Variants in CALD1 observed in about 807,000 individuals in gnomAD.
CALD1 encodes the protein caldesmon 1.
In CALD1, 33 loss-of-function variants were observed where a neutral mutation model predicts 99.9. The ratio of observed to expected loss-of-function variants is 0.33; its 90% CI spans 0.25 to 0.44. The LOEUF (loss-of-function observed/expected upper bound fraction) is 0.44, where lower values mean the gene tolerates loss of function less well. Ranked by LOEUF, CALD1 falls within the 20% of genes least tolerant of loss-of-function variation. The pLI is 1.00. For synonymous variants in CALD1, 310 were observed against 325.0 expected (o/e 0.95, Z 0.50); for missense variants, 861 against 962.1 (o/e 0.89, Z 1.39).
At chr7:134,830,563 A>C (rs1799179389) in intron 1 of CALD1, among the ~76,000 whole-genome samples, 1 of 151,132 alleles carries the variant, frequency 6.6e-6, no homozygotes, top group South Asian at 2.1e-4. Flanking sequence ...CTCCCCTCCC[A>C]CCCTCAACCC....
At chr7:134,850,726 A>G (rs1289704691) in intron 2 of CALD1, among the ~76,000 whole-genome samples, 2 of 152,138 alleles carry the variant, frequency 1.3e-5, no homozygotes, top group African/African-American at 4.8e-5. Flanking sequence ...TGCCCTGCAA[A>G]TGTGCTTCCC....
chr7:134,823,092 A>G (rs929240563), intron 1 of CALD1, among the ~76,000 whole-genome samples: 2 of 152,306 alleles, frequency 1.3e-5, no homozygotes, highest in Admixed American at 1.3e-4. Flanking sequence ...AAATTGCTGG[A>G]AGCTTGGGGA....
At chr7:134,924,047 T>G (rs1036978181) in intron 3 of CALD1, among the ~76,000 whole-genome samples, 3 of 152,244 alleles carry the variant, frequency 2.0e-5, no homozygotes, top group Admixed American at 2.0e-4. Context: ...TGTATGTGTA[T>G]ACCTAAGTGG....
chr7:134,770,207 C>T (rs1436115600), intron 1 of CALD1, among the ~76,000 whole-genome samples: 1 of 152,166 alleles, frequency 6.6e-6, no homozygotes, highest in Non-Finnish European at 1.5e-5. Context: ...GAAATAGTAG[C>T]TCTGCTGGTG....
chr7:134,966,008 G>A (rs1440637594), intron 14 of CALD1, among the ~76,000 whole-genome samples: 1 of 152,048 alleles, frequency 6.6e-6, no homozygotes, highest in Non-Finnish European at 1.5e-5. Context: ...ACTGCAAATG[G>A]GACCCTTTGT....
At chr7:134,788,841 A>C (rs3778841) in intron 1 of CALD1, among the ~76,000 whole-genome samples, 47,450 of 151,684 alleles carry the variant, frequency 0.31, 7,910 homozygotes, top group East Asian at 0.63. Flanking sequence ...ATGGTGAAAC[A>C]CTGCCTCTAC....
intron 2 of CALD1, among the ~76,000 whole-genome samples, chr7:134,864,818 A>T (rs1004126789): frequency 6.6e-6 from 1 of 152,200 alleles, no homozygotes; most frequent in Non-Finnish European, 1.5e-5. Flanking sequence ...ATAGGTAATG[A>T]CATCTGCCTC....
chr7:134,887,605 T>G (rs1801918885), intron 3 of CALD1, among the ~76,000 whole-genome samples: 1 of 151,732 alleles, frequency 6.6e-6, no homozygotes, highest in Non-Finnish European at 1.5e-5. Flanking sequence ...TGCGTATGCA[T>G]GCATGCGTGT....
intron 11 of CALD1, among the ~76,000 whole-genome samples, chr7:134,959,543 G>GC (rs1214184984): frequency 6.6e-6 from 1 of 151,986 alleles, no homozygotes; most frequent in Non-Finnish European, 1.5e-5. Context: ...ATAGAGAGAG[G>GC]CCTATGGTTC....
intron 1 of CALD1, among the ~76,000 whole-genome samples, chr7:134,756,021 T>C (rs538667463): frequency 2.0e-5 from 3 of 152,114 alleles, no homozygotes; most frequent in Admixed American, 2.0e-4. Flanking sequence ...AGACATCCCT[T>C]AACTAAAATA....
intron 3 of CALD1, among the ~76,000 whole-genome samples, chr7:134,890,035 A>G (rs979534223): frequency 6.6e-6 from 1 of 152,002 alleles, no homozygotes. Flanking sequence ...CAGCCTCCCA[A>G]GTAGCTGGGA....
chr7:134,853,563 A>C (rs1800167757), intron 2 of CALD1, among the ~76,000 whole-genome samples: 1 of 151,984 alleles, frequency 6.6e-6, no homozygotes. Flanking sequence ...ACATTAACCT[A>C]ATTTGTATTT....
At chr7:134,935,818 G>A in intron 6 of CALD1, 53 bp downstream of exon 6, 1 of 1,519,552 alleles carries the variant, frequency 6.6e-7, no homozygotes, top group South Asian at 1.3e-5. Context: ...AGCAGTCAGT[G>A]TTCCAAGATA....
intron 13 of CALD1, among the ~76,000 whole-genome samples, chr7:134,964,663 G>A (rs1794301021): frequency 6.6e-6 from 1 of 152,112 alleles, no homozygotes; most frequent in South Asian, 2.1e-4. Context: ...AGGGCTGGGG[G>A]GAAAGAGGTG....
intron 1 of CALD1, among the ~76,000 whole-genome samples, chr7:134,757,512 C>T (rs1376187583): frequency 6.6e-6 from 1 of 152,192 alleles, no homozygotes. Context: ...CTGGAGACTT[C>T]TAGCAGTTTC....
intron 1 of CALD1, among the ~76,000 whole-genome samples, chr7:134,833,451 C>G (rs886899383): frequency 6.6e-6 from 1 of 152,204 alleles, no homozygotes; most frequent in African/African-American, 2.4e-5. Context: ...AAGTTTGATA[C>G]TGTCCACGTT....
intron 3 of CALD1, among the ~76,000 whole-genome samples, chr7:134,871,153 G>A (rs1359921176): frequency 2.0e-5 from 3 of 151,736 alleles, no homozygotes; most frequent in Middle Eastern, 3.2e-3. Flanking sequence ...TTTTTTTCTC[G>A]CTTTTGGTAT....
At chr7:134,837,077 A>C (rs1047215524) in intron 1 of CALD1, among the ~76,000 whole-genome samples, 1 of 148,976 alleles carries the variant, frequency 6.7e-6, no homozygotes, top group East Asian at 2.0e-4. Flanking sequence ...CTCTGAGAAC[A>C]TACATGTAAG....
At chr7:134,950,623 T>C in intron 9 of CALD1, 109 bp downstream of exon 9, 1 of 909,598 alleles carries the variant, frequency 1.1e-6, no homozygotes, top group Non-Finnish European at 1.7e-6. Context: ...CTTTTTGCTA[T>C]CCTTCCAAGT....
Sources: allele counts gnomAD v4.1 joint callset (sites outside exome capture counted in the v4.1 genomes callset), GRCh38; gene constraint gnomAD v4.1.1; transcripts MANE v1.5; gene names NCBI Gene and HGNC (gene_info 2026-07-23, HGNC 2026-07-21).